PPP2R5E: variants seen among roughly 807,000 people sequenced by gnomAD.
PPP2R5E encodes serine/threonine-protein phosphatase 2A 56 kDa regulatory subunit epsilon isoform.
PPP2R5E carries 4 observed loss-of-function variants against 65.3 expected under a neutral mutation model. The ratio of observed to expected loss-of-function variants is 0.06; its 90% CI spans 0.03 to 0.14. The LOEUF is 0.14. PPP2R5E is among the 10% of genes least tolerant of loss of function. PPP2R5E has a pLI of 1.00. For synonymous variants in PPP2R5E, 183 were observed against 187.4 expected (o/e 0.98, Z 0.19); for missense variants, 274 against 556.1 (o/e 0.49, Z 5.10).
At chr14:63,483,334 T>G (rs1385529586) in intron 2 of PPP2R5E, among the ~76,000 whole-genome samples, 3 of 151,986 alleles carry the variant, frequency 2.0e-5, no homozygotes, top group Admixed American at 6.6e-5. Flanking sequence ...GTAAGTACTA[T>G]AGGAGATTAA....
intron 3 of PPP2R5E, among the ~76,000 whole-genome samples, chr14:63,450,661 A>T (rs1041813546): frequency 6.6e-6 from 1 of 152,216 alleles, no homozygotes; most frequent in Non-Finnish European, 1.5e-5. Flanking sequence ...AAATTTCAAG[A>T]AGACCTGGAC....
chr14:63,494,125 C>T (rs188316164), intron 2 of PPP2R5E, among the ~76,000 whole-genome samples: 29 of 152,156 alleles, frequency 1.9e-4, no homozygotes, highest in South Asian at 6.2e-4. Context: ...TCCCCACCAG[C>T]GTTGTTTACA....
At chr14:63,410,995 T>C (rs1237177906) in intron 5 of PPP2R5E, among the ~76,000 whole-genome samples, 1 of 152,218 alleles carries the variant, frequency 6.6e-6, no homozygotes, top group Non-Finnish European at 1.5e-5. Context: ...ACTTCACCAC[T>C]GACACTTTAT....
chr14:63,529,881 A>G (rs1171451180), intron 2 of PPP2R5E, among the ~76,000 whole-genome samples: 3 of 152,134 alleles, frequency 2.0e-5, no homozygotes, highest in African/African-American at 7.2e-5. Flanking sequence ...TACATCCTGG[A>G]CGGACGCACA....
chr14:63,408,886 G>A (rs994907066), intron 5 of PPP2R5E, among the ~76,000 whole-genome samples: 3 of 152,196 alleles, frequency 2.0e-5, no homozygotes, highest in Non-Finnish European at 4.4e-5. Flanking sequence ...CTTGAGTCCA[G>A]GAGTTCAAGA....
chr14:63,465,601 C>T (rs929189118), intron 2 of PPP2R5E, among the ~76,000 whole-genome samples: 9 of 152,020 alleles, frequency 5.9e-5, no homozygotes, highest in South Asian at 2.1e-4. Context: ...GCTCCAGCCT[C>T]GGTGACACGG....
At chr14:63,475,094 T>C (rs887879092) in intron 2 of PPP2R5E, among the ~76,000 whole-genome samples, 5 of 152,306 alleles carry the variant, frequency 3.3e-5, no homozygotes, top group Admixed American at 6.5e-5. Flanking sequence ...TCAAGGCAGA[T>C]CAACCCACAC....
intron 2 of PPP2R5E, among the ~76,000 whole-genome samples, chr14:63,486,816 T>A (rs910439951): frequency 1.3e-5 from 2 of 152,120 alleles, no homozygotes; most frequent in Admixed American, 6.5e-5. Flanking sequence ...CTTAGAGGGT[T>A]CTCTCAAATG....
At chr14:63,392,550 T>A (rs1240294622) in intron 8 of PPP2R5E, among the ~76,000 whole-genome samples, 1 of 152,234 alleles carries the variant, frequency 6.6e-6, no homozygotes, top group African/African-American at 2.4e-5. Flanking sequence ...GTAAGAATAG[T>A]TCTACATCTG....
At chr14:63,431,708 A>T (rs545246399) in intron 3 of PPP2R5E, among the ~76,000 whole-genome samples, 2 of 152,218 alleles carry the variant, frequency 1.3e-5, no homozygotes, top group Non-Finnish European at 2.9e-5. Flanking sequence ...ACATGTGACT[A>T]AGAAACATGC....
At position 63,375,795 on chromosome 14, in the gene PPP2R5E, G is replaced by C. The variant is rs1190643780; in HGVS notation, c.*214C>G. 2.7e-6 allele frequency: 1 copy of C among 364,176 alleles called. No homozygotes were observed. Among genetic ancestry groups the C allele is most frequent in the African/African-American group, 2.1e-5 (1 of 47,524 alleles). 22.6% of individuals were successfully genotyped at this position (364,176 alleles called of 1,614,324 possible). On this transcript the variant is annotated 3_prime_UTR_variant, in exon 14 of 14. Coordinates refer to ENST00000337537, the MANE Select transcript of PPP2R5E (RefSeq NM_006246.5). ...TGAGAACAATGATTATGTTTGCAAA[G>C]TTCTGAGAAGTCCATCTACTGTCCA...
intron 10 of PPP2R5E, among the ~76,000 whole-genome samples, chr14:63,391,401 C>CTTTGTTTTGT (rs10681833): frequency 1.1e-3 from 155 of 143,272 alleles, no homozygotes; most frequent in Middle Eastern, 3.5e-3. Flanking sequence ...TGCAGTTTTG[C>CTTTGTTTTGT]TTTGTTTTGT....
intron 2 of PPP2R5E, among the ~76,000 whole-genome samples, chr14:63,537,626 G>C (rs902352682): frequency 6.6e-6 from 1 of 152,088 alleles, no homozygotes; most frequent in African/African-American, 2.4e-5. Context: ...ATAGAAGCTT[G>C]AAATATCCTA....
chr14:63,463,550 T>G (rs1467379841), intron 2 of PPP2R5E, among the ~76,000 whole-genome samples: 1 of 151,544 alleles, frequency 6.6e-6, no homozygotes, highest in Admixed American at 6.6e-5. Context: ...CTTATTAATA[T>G]CCAGTAAGGT....
chr14:63,473,981 C>T (rs1435243250), intron 2 of PPP2R5E, among the ~76,000 whole-genome samples: 3 of 152,108 alleles, frequency 2.0e-5, no homozygotes, highest in Non-Finnish European at 4.4e-5. Flanking sequence ...ATTATTAAAA[C>T]CTGAGGGAGA....
chr14:63,476,930 A>T (rs1001669567), intron 2 of PPP2R5E, among the ~76,000 whole-genome samples: 6 of 152,182 alleles, frequency 3.9e-5, no homozygotes, highest in African/African-American at 1.4e-4. Context: ...ACTGTAGAGT[A>T]GTAGAGTCTG....
At chr14:63,414,412 T>C (rs1594847367) in intron 5 of PPP2R5E, among the ~76,000 whole-genome samples, 1 of 152,316 alleles carries the variant, frequency 6.6e-6, no homozygotes, top group African/African-American at 2.4e-5. Flanking sequence ...CTACATTAGA[T>C]GCCCCACATG....
chr14:63,426,623 T>C (rs1271033611), intron 3 of PPP2R5E, among the ~76,000 whole-genome samples: 1 of 149,868 alleles, frequency 6.7e-6, no homozygotes, highest in East Asian at 2.0e-4. Flanking sequence ...AAATGGGTCT[T>C]GAACTTGTTT....
chr14:63,427,963 T>C (rs1887430863), intron 3 of PPP2R5E, among the ~76,000 whole-genome samples: 1 of 152,068 alleles, frequency 6.6e-6, no homozygotes, highest in South Asian at 2.1e-4. Context: ...CCTGACTTCT[T>C]TATTTCTCTC....
Sources: gnomAD v4.1 joint callset for allele counts (sites outside exome capture counted in the v4.1 genomes callset) on GRCh38, gnomAD v4.1.1 for gene constraint, MANE v1.5 for transcripts, NCBI Gene and HGNC (gene_info 2026-07-23, HGNC 2026-07-21) for gene names.